Variants in ATP9A observed in about 807,000 individuals in gnomAD.
ATP9A encodes the protein probable phospholipid-transporting ATPase IIA.
ATP9A carries 52 observed loss-of-function variants against 144.1 expected under a neutral mutation model. The ratio of observed to expected loss-of-function variants is 0.36; its 90% confidence interval spans 0.29 to 0.45. The LOEUF (loss-of-function observed/expected upper bound fraction) is 0.45, where lower values mean the gene tolerates loss of function less well. Ranked by LOEUF, ATP9A falls within the 20% of genes least tolerant of loss-of-function variation. ATP9A has a pLI of 1.00. For missense variants in ATP9A, 947 were observed against 1,392.7 expected (o/e 0.68, Z 5.09); for synonymous variants, 582 against 557.4 (o/e 1.04, Z -0.62).
intron 4 of ATP9A, among the ~76,000 whole-genome samples, chr20:51,700,002 G>A (rs1190381307): frequency 1.3e-5 from 2 of 152,078 alleles, no homozygotes; most frequent in Non-Finnish European, 2.9e-5. Context: ...ACCCTCGATC[G>A]CTGGTAAGAC....
intron 14 of ATP9A, among the ~76,000 whole-genome samples, chr20:51,642,814 G>A (rs950423027): frequency 1.4e-5 from 2 of 139,146 alleles, no homozygotes; most frequent in Admixed American, 7.5e-5. Flanking sequence ...GAGCTCTGCA[G>A]AAGCCACAAG....
chr20:51,697,263 G>GTGTGTC (rs1555837935), intron 5 of ATP9A, among the ~76,000 whole-genome samples, 161 bp downstream of exon 5: 4 of 152,014 alleles, frequency 2.6e-5, no homozygotes, highest in South Asian at 4.1e-4. Context: ...GTGTGTGTGT[G>GTGTGTC]TGTCTGTCTG....
chr20:51,606,718 A>AAGTTTCCAAATGG (rs1396647514), intron 26 of ATP9A, among the ~76,000 whole-genome samples: 1 of 152,050 alleles, frequency 6.6e-6, no homozygotes, highest in African/African-American at 2.4e-5. Flanking sequence ...GGAAGAAATG[A>AAGTTTCCAAATGG]ACTGATTTGG....
At chr20:51,664,667 A>AT (rs2077425075) in intron 13 of ATP9A, among the ~76,000 whole-genome samples, 1 of 152,172 alleles carries the variant, frequency 6.6e-6, no homozygotes, top group African/African-American at 2.4e-5. Context: ...ATATCTCAAA[A>AT]TAACATATAC....
At chr20:51,754,689 G>A (rs1049551188) in intron 1 of ATP9A, among the ~76,000 whole-genome samples, 1 of 152,044 alleles carries the variant, frequency 6.6e-6, no homozygotes, top group African/African-American at 2.4e-5. Context: ...GGTGGTGCAT[G>A]CCTGTAATAC....
chr20:51,715,413 C>G (rs2077657826), intron 3 of ATP9A, among the ~76,000 whole-genome samples: 2 of 152,178 alleles, frequency 1.3e-5, no homozygotes, highest in Non-Finnish European at 2.9e-5. Flanking sequence ...AGGGCTGCCC[C>G]CTCCACTATG....
At chr20:51,642,748 A>C (rs1420724616) in intron 14 of ATP9A, among the ~76,000 whole-genome samples, 4 of 144,836 alleles carry the variant, frequency 2.8e-5, no homozygotes, top group Non-Finnish European at 6.0e-5. Context: ...AAAAAAAAAA[A>C]AAAAAAAAAA....
chr20:51,603,841 C>G (rs151335133), intron 27 of ATP9A, among the ~76,000 whole-genome samples: 1 of 152,066 alleles, frequency 6.6e-6, no homozygotes, highest in African/African-American at 2.4e-5. Flanking sequence ...AGTGCAGTGG[C>G]GTGATCTCAG....
chr20:51,709,569 A>T (rs566489680), intron 4 of ATP9A, among the ~76,000 whole-genome samples: 115 of 152,242 alleles, frequency 7.6e-4, no homozygotes, highest in South Asian at 5.6e-3. Flanking sequence ...TAGAAATAAA[A>T]AATAGAAATT....
At chr20:51,609,148 G>A (rs2077175465) in intron 24 of ATP9A, among the ~76,000 whole-genome samples, 1 of 152,018 alleles carries the variant, frequency 6.6e-6, no homozygotes, top group Admixed American at 6.6e-5. Flanking sequence ...GGCTGGGGCT[G>A]AGGGCGACGG....
intron 9 of ATP9A, among the ~76,000 whole-genome samples, chr20:51,678,069 GGAGT>G (rs148440138): frequency 0.21 from 30,733 of 149,582 alleles, 3,876 homozygotes; most frequent in Non-Finnish European, 0.28. Flanking sequence ...GGCATCACAG[GGAGT>G]GAGTGGCGCT....
At position 51,600,380 on chromosome 20, in the gene ATP9A, T is replaced by G. The variant is rs2077137166; in HGVS notation, c.*831A>C. ...GGCCATTCAGTGGCACGTTTCCTGC[T>G]AAAACAACTCTGCTGAAAATGTCTG... On this transcript the variant is annotated 3_prime_UTR_variant, in exon 28 of 28. Coordinates refer to ENST00000338821, the MANE Select transcript of ATP9A (RefSeq NM_006045.3). The G allele has an allele frequency of 6.6e-6, 1 of 152,212 alleles. No individual in the cohort carries two copies. Among genetic ancestry groups the G allele is most frequent in the Admixed American group, 6.5e-5 (1 of 15,288 alleles). 9.4% of individuals were successfully genotyped at this position (152,212 alleles called of 1,614,324 possible).
At chr20:51,705,549 A>G (rs1287802514) in intron 4 of ATP9A, among the ~76,000 whole-genome samples, 1 of 152,206 alleles carries the variant, frequency 6.6e-6, no homozygotes, top group African/African-American at 2.4e-5. Context: ...GCAGGAAAGA[A>G]GCATCAGCAA....
chr20:51,598,354 A>G lies in ATP9A; in HGVS notation c.*2857T>C, dbSNP rs559150468. On this transcript the variant is annotated 3_prime_UTR_variant, in exon 28 of 28. Coordinates refer to ENST00000338821, the MANE Select transcript of ATP9A (RefSeq NM_006045.3). ...TTGTCAGAGGGCGCAGGGAGCTGTGAGTTTTGCTTTCAGGAAAAGTGTTCA... is the reference window on the plus strand; with the variant it reads ...TTGTCAGAGGGCGCAGGGAGCTGTGGGTTTTGCTTTCAGGAAAAGTGTTCA... 2.0e-5 allele frequency: 3 copies of G among 152,212 alleles called. No homozygotes were observed. The highest frequency in any genetic ancestry group is 7.2e-5 in the African/African-American group (3 of 41,516). 9.4% of individuals were successfully genotyped at this position (152,212 alleles called of 1,614,324 possible). A position where few individuals can be genotyped will look rare whatever the true frequency, so the allele number is the denominator to read the frequency against.
chr20:51,610,715 G>A (rs1320009415), intron 23 of ATP9A, among the ~76,000 whole-genome samples: 3 of 152,062 alleles, frequency 2.0e-5, no homozygotes, highest in Non-Finnish European at 2.9e-5. Flanking sequence ...AGGCATGCAC[G>A]CTGCTAACCA....
chr20:51,625,076 C>T, intron 18 of ATP9A, 116 bp downstream of exon 18: 1 of 916,336 alleles, frequency 1.1e-6, no homozygotes, highest in Non-Finnish European at 1.6e-6. Flanking sequence ...GCAGATAAGG[C>T]ACTCCTGGTG....
chr20:51,669,879 C>A (rs891269669), intron 13 of ATP9A, 118 bp downstream of exon 13: 2 of 727,560 alleles, frequency 2.7e-6, no homozygotes, highest in South Asian at 3.6e-5. Context: ...TAAAAAAAAA[C>A]AATGAATTGT....
At position 51,711,817 on chromosome 20, in the gene ATP9A, T is replaced by A. The variant is rs574805978; in HGVS notation, c.436+1149A>T. Among the ~76,000 whole-genome samples, 7 of 151,842 alleles carry A rather than the reference T, an allele frequency of 4.6e-5. 1 individual carries two copies. In the South Asian group the frequency reaches 1.5e-3, roughly 32 times the overall value. Reference sequence around the variant, plus strand: ...GGGGTCAGTGATTAAAGCTTTTTCATATCCCTGGGAAATATTATTAAAATT... The same window carrying A: ...GGGGTCAGTGATTAAAGCTTTTTCAAATCCCTGGGAAATATTATTAAAATT... On this transcript the variant is annotated intron_variant, in intron 4 of 27. Transcript: ENST00000338821.
chr20:51,730,329 G>C (rs145377061), intron 1 of ATP9A, among the ~76,000 whole-genome samples: 1 of 152,148 alleles, frequency 6.6e-6, no homozygotes, highest in Non-Finnish European at 1.5e-5. Flanking sequence ...TTAGCCGGGC[G>C]TGTTGGCACG....
Sources: gnomAD v4.1 joint callset for allele counts (sites outside exome capture counted in the v4.1 genomes callset) on GRCh38, gnomAD v4.1.1 for gene constraint, MANE v1.5 for transcripts, NCBI Gene and HGNC (gene_info 2026-07-23, HGNC 2026-07-21) for gene names.